The following SNPH variants were observed in gnomAD, a reference collection of about 807,000 sequenced individuals.
The protein encoded by SNPH is syntaphilin.
SNPH carries 10 observed loss-of-function variants against 36.8 expected under a neutral mutation model. That is an observed-to-expected ratio of 0.27 (90% confidence interval 0.17 to 0.46). The LOEUF (loss-of-function observed/expected upper bound fraction) is 0.46, where lower values mean the gene tolerates loss of function less well. Among genes scored for constraint, SNPH ranks in the 20% least tolerant of loss-of-function variants. The pLI is 1.00. For synonymous variants in SNPH, 281 were observed against 312.2 expected, an observed-to-expected ratio of 0.90 and a Z score of 1.05; for missense variants, 622 against 744.0, an observed-to-expected ratio of 0.84 and a Z score of 1.91.
chr20:1,266,726 G>A lies in SNPH; in HGVS notation c.-527G>A, dbSNP rs771084001. On this transcript the variant is annotated 5_prime_UTR_variant, in exon 2 of 7. Coordinates refer to ENST00000381867, the MANE Select transcript of SNPH (RefSeq NM_001318234.2). The surrounding 1 kb of genome is among the most constrained non-coding windows in gnomAD (Gnocchi z 6.0). ...GCGCCAAGCCGGGCCGGAGTGGTGC[G>A]AGCCGGCGGGGCTGCGGAGGGCCAG... is the stretch of plus-strand genomic sequence containing the variant. 10 of 1,408,098 alleles carry A rather than the reference G, an allele frequency of 7.1e-6. 1 individual carries two copies. The South Asian group carries it at 1.5e-4, about 20-fold the overall frequency. 87.2% of individuals were successfully genotyped at this position (1,408,098 alleles called of 1,614,324 possible).
chr20:1,277,373 CTGTGTCTGTG>C (rs2086831127), intron 2 of SNPH, among the ~76,000 whole-genome samples: 1 of 151,622 alleles, frequency 6.6e-6, no homozygotes, highest in African/African-American at 2.4e-5. Flanking sequence ...GTGTATGTGC[CTGTGTCTGTG>C]TGTGTCTGTG....
intron 5 of SNPH, among the ~76,000 whole-genome samples, chr20:1,300,169 G>A (rs1032622925): frequency 6.6e-6 from 1 of 152,190 alleles, no homozygotes; most frequent in Admixed American, 6.5e-5. Flanking sequence ...TGAGGGGCTC[G>A]GGGCAAGAGC....
chr20:1,266,612 C>T lies in SNPH; in HGVS notation c.-599-42C>T. The T allele has an allele frequency of 6.9e-7, 1 of 1,442,272 alleles. No homozygotes were observed. Among genetic ancestry groups the T allele is most frequent in the Non-Finnish European group, 9.1e-7 (1 of 1,101,900 alleles). 89.3% of individuals were successfully genotyped at this position (1,442,272 alleles called of 1,614,324 possible). On this transcript the variant is annotated intron_variant, in intron 1 of 6. Coordinates refer to ENST00000381867, the MANE Select transcript of SNPH (RefSeq NM_001318234.2). This position sits in a 1 kb window ranked among gnomAD's most constrained non-coding sequence, Gnocchi z 6.0. Reference sequence around the variant, plus strand: ...CAGCTGCCTGGGTGTTCCCCGCCCGCGCTCACCCGCCCCGGTCTATCTCTT... The same window carrying T: ...CAGCTGCCTGGGTGTTCCCCGCCCGTGCTCACCCGCCCCGGTCTATCTCTT...
chr20:1,305,779 A>G lies in SNPH; in HGVS notation c.1342A>G (p.Met448Val). The G allele has an allele frequency of 6.2e-7, 1 of 1,608,412 alleles. No homozygotes were observed. The highest frequency in any genetic ancestry group is 2.2e-5 in the East Asian group (1 of 44,698). Reference protein sequence around the residue: ...PGQSVSVVCPMEEEEEAAVAE... With the variant: ...PGQSVSVVCPVEEEEEAAVAE... ...CCAGTCGGTGAGCGTGGTGTGCCCCATGGAAGAGGAGGAGGAGGCTGCCGT... is the reference window on the plus strand; with the variant it reads ...CCAGTCGGTGAGCGTGGTGTGCCCCGTGGAAGAGGAGGAGGAGGCTGCCGT... Residue 448 changes from methionine (M) to valine (V), a missense_variant, in exon 7 of 7, where the codon ATG (methionine) becomes GTG (valine). Met to Val is a conservative substitution (Grantham distance 21). Transcript: ENST00000381867.
chr20:1,269,814 C>G (rs974545036), intron 2 of SNPH, among the ~76,000 whole-genome samples: 1 of 152,184 alleles, frequency 6.6e-6, no homozygotes, highest in Non-Finnish European at 1.5e-5. Flanking sequence ...GTGTTGTGCT[C>G]TGTTTTACAC....
At chr20:1,282,739 G>A (rs1428343543) in intron 2 of SNPH, among the ~76,000 whole-genome samples, 1 of 152,208 alleles carries the variant, frequency 6.6e-6, no homozygotes, top group African/African-American at 2.4e-5. Context: ...ATACGGGAAA[G>A]AAATTACTGT....
At position 1,266,442 on chromosome 20, in the gene SNPH, G is replaced by T; in HGVS notation, c.-600+45G>T. 1.7e-6 allele frequency: 1 copy of T among 597,258 alleles called. No homozygotes were observed. Among genetic ancestry groups the T allele is most frequent in the Non-Finnish European group, 2.6e-6 (1 of 384,672 alleles). 37.0% of individuals were successfully genotyped at this position (597,258 alleles called of 1,614,324 possible). On this transcript the variant is annotated intron_variant, in intron 1 of 6. Transcript: ENST00000381867. This position sits in a 1 kb window ranked among gnomAD's most constrained non-coding sequence, Gnocchi z 6.0. ...GGATCTCCGGGCCCACCGCCCAGCT[G>T]CACCCGCCGCAGTCCAGAGTGCCGA...
intron 2 of SNPH, among the ~76,000 whole-genome samples, chr20:1,272,436 G>A (rs1457514819): frequency 6.6e-6 from 1 of 152,220 alleles, no homozygotes; most frequent in Non-Finnish European, 1.5e-5. Flanking sequence ...GCTTGAAAGA[G>A]GCAGCTGCTA....
At chr20:1,296,540 T>C (rs2088437974) in intron 4 of SNPH, 119 bp downstream of exon 4, 1 of 857,168 alleles carries the variant, frequency 1.2e-6, no homozygotes, top group South Asian at 1.7e-5. Flanking sequence ...CCCATTCCCA[T>C]CTTTAAAATG....
At chr20:1,303,584 A>G (rs2088529818) in intron 6 of SNPH, among the ~76,000 whole-genome samples, 1 of 152,122 alleles carries the variant, frequency 6.6e-6, no homozygotes, top group Non-Finnish European at 1.5e-5. Flanking sequence ...CACTCTAAGC[A>G]GCTCCAGCTG....
intron 5 of SNPH, among the ~76,000 whole-genome samples, chr20:1,299,606 C>T (rs770468410): frequency 3.3e-5 from 5 of 152,204 alleles, no homozygotes; most frequent in Admixed American, 6.5e-5. Flanking sequence ...ATGTCAGTGC[C>T]GCCCTGTGCT....
intron 2 of SNPH, among the ~76,000 whole-genome samples, chr20:1,269,453 G>A (rs541204393): frequency 1.7e-4 from 26 of 152,252 alleles, no homozygotes; most frequent in African/African-American, 5.8e-4. Context: ...AGGGTTGCGC[G>A]GCTAGAACTG....
chr20:1,286,493 C>T (rs1014630549), intron 2 of SNPH, among the ~76,000 whole-genome samples: 2 of 152,166 alleles, frequency 1.3e-5, no homozygotes, highest in Non-Finnish European at 2.9e-5. Flanking sequence ...CAGTTGGGTG[C>T]GCTGGGCTCC....
At chr20:1,295,105 C>T (rs1436417265) in intron 3 of SNPH, 127 bp downstream of exon 3, 2 of 152,676 alleles carry the variant, frequency 1.3e-5, no homozygotes, top group African/African-American at 4.8e-5. Context: ...CTGCTGTCCT[C>T]AGTCCCTGCT....
At chr20:1,289,340 G>A (rs1373877001) in intron 2 of SNPH, among the ~76,000 whole-genome samples, 1 of 152,076 alleles carries the variant, frequency 6.6e-6, no homozygotes, top group Admixed American at 6.5e-5. Flanking sequence ...GTCTCCTCCA[G>A]GCTGACCCAA....
intron 4 of SNPH, among the ~76,000 whole-genome samples, chr20:1,296,739 G>C (rs549138231): frequency 1.3e-5 from 2 of 152,236 alleles, no homozygotes; most frequent in African/African-American, 4.8e-5. Context: ...GTGTCCCTTG[G>C]TTTTTACCCC....
chr20:1,291,787 A>G, intron 2 of SNPH, among the ~76,000 whole-genome samples: 1 of 152,246 alleles, frequency 6.6e-6, no homozygotes, highest in East Asian at 1.9e-4. Context: ...AAGATAAATT[A>G]TAGTACATAC....
At chr20:1,296,485 CTCT>C in intron 4 of SNPH, 64 bp downstream of exon 4, 2 of 1,378,678 alleles carry the variant, frequency 1.5e-6, no homozygotes, top group Admixed American at 4.7e-5. Flanking sequence ...ACGGGCCTCT[CTCT>C]ACCTGCCACC....
At chr20:1,299,012 C>A (rs1277120088) in intron 5 of SNPH, among the ~76,000 whole-genome samples, 1 of 151,890 alleles carries the variant, frequency 6.6e-6, no homozygotes, top group Non-Finnish European at 1.5e-5. Flanking sequence ...TCCCCCACTC[C>A]TACCACCCCT....
Sources: allele counts gnomAD v4.1 joint callset (sites outside exome capture counted in the v4.1 genomes callset), GRCh38; gene constraint gnomAD v4.1.1; non-coding constraint Gnocchi (gnomAD v3.1); transcripts MANE v1.5; gene names NCBI Gene and HGNC (gene_info 2026-07-23, HGNC 2026-07-21).